The following SNRPN variants were observed in gnomAD, a reference collection of about 807,000 sequenced individuals.
SNRPN encodes the protein small nuclear ribonucleoprotein polypeptide N, also known as small nuclear ribonucleoprotein-associated protein N.
SNRPN carries 7 observed loss-of-function variants against 25.2 expected under a neutral mutation model. That is an observed-to-expected ratio of 0.28 (90% CI 0.16 to 0.52). SNRPN has a LOEUF of 0.52. SNRPN is among the 20% of genes least tolerant of loss of function. The pLI, the probability that SNRPN is intolerant of heterozygous loss-of-function variation, is 0.96. For synonymous variants in SNRPN, 124 were observed against 110.6 expected (o/e 1.12, Z -0.76); for missense variants, 196 against 322.5 (o/e 0.61, Z 3.00).
intron 4 of SNRPN, chr15:24,974,657 G>A: frequency 1.6e-6 from 1 of 641,058 alleles, no homozygotes; most frequent in Non-Finnish European, 2.8e-6. Flanking sequence ...GTCTTGCTCT[G>A]TCTCCCAGTC....
At chr15:24,898,681 G>A (rs1258362642) in intron 2 of SNRPN, among the ~76,000 whole-genome samples, 1 of 152,140 alleles carries the variant, frequency 6.6e-6, no homozygotes, top group Non-Finnish European at 1.5e-5. Flanking sequence ...TGAAAAATGT[G>A]TTATTACAAA....
chr15:24,905,817 T>C (rs920529723), intron 2 of SNRPN, among the ~76,000 whole-genome samples: 1 of 152,206 alleles, frequency 6.6e-6, no homozygotes, highest in Non-Finnish European at 1.5e-5. Flanking sequence ...AGGAAGGTAG[T>C]GACAGTCTAA....
chr15:24,858,356 C>T (rs1474927645), intron 1 of SNRPN, among the ~76,000 whole-genome samples: 1 of 152,108 alleles, frequency 6.6e-6, no homozygotes, highest in Non-Finnish European at 1.5e-5. Flanking sequence ...TAGGTCAGAT[C>T]TCTTTCACTG....
At chr15:24,946,074 ACTT>A (rs1566939603) in intron 3 of SNRPN, among the ~76,000 whole-genome samples, 1 of 152,150 alleles carries the variant, frequency 6.6e-6, no homozygotes, top group Non-Finnish European at 1.5e-5. Flanking sequence ...ATTTATAAAA[ACTT>A]CTTATGGAAT....
chr15:24,977,377 C>G (rs576294884), intron 7 of SNRPN, among the ~76,000 whole-genome samples: 1 of 151,982 alleles, frequency 6.6e-6, no homozygotes, highest in African/African-American at 2.4e-5. Context: ...CAGTGGCTTA[C>G]GCCTGTAATC....
At chr15:24,831,330 A>G (rs955505253) in intron 2 of SNRPN, among the ~76,000 whole-genome samples, 2 of 151,698 alleles carry the variant, frequency 1.3e-5, no homozygotes, top group Non-Finnish European at 2.9e-5. Context: ...CTTTTTTTAC[A>G]TTTACTCTTA....
intron 2 of SNRPN, among the ~76,000 whole-genome samples, chr15:24,918,468 G>A (rs1046552253): frequency 6.5e-5 from 8 of 123,680 alleles, no homozygotes; most frequent in South Asian, 2.6e-4. Flanking sequence ...TAATATATAT[G>A]TGTATATATA....
rs1004964684 is a variant in SNRPN, at chr15:24,977,142, T to C, written c.420+113T>C. ...CATACAATGTAAACAGCATATGGTT[T>C]AGGAGGAACCAAAACACAGATATAT... On this transcript the variant is annotated intron_variant, in intron 7 of 9. Coordinates refer to ENST00000390687, the MANE Select transcript of SNRPN (RefSeq NM_003097.6). 3 of 785,378 alleles carry C rather than the reference T, an allele frequency of 3.8e-6. No homozygotes were observed. The Admixed American group carries it at 1.1e-4, about 30-fold the overall frequency. 48.7% of individuals were successfully genotyped at this position (785,378 alleles called of 1,614,324 possible).
At position 24,929,507 on chromosome 15, in the gene SNRPN, T is replaced by C. The variant is rs921160136; in HGVS notation, c.-391+9383T>C. Among the ~76,000 whole-genome samples the C allele has an allele frequency of 6.6e-6, 1 of 152,136 alleles. No individual in the cohort carries two copies. Among genetic ancestry groups the C allele is most frequent in the African/African-American group, 2.4e-5 (1 of 41,430 alleles). ...CAGGTCTAGGAAGATGGGGAATACT[T>C]GCAGGCACCTGGGAAGCTCAGGGAA... On this transcript the variant is annotated intron_variant, in intron 3 of 11. Coordinates refer to the SNRPN transcript ENST00000400097. The surrounding 1 kb of genome is among the most constrained non-coding windows in gnomAD (Gnocchi z 5.3).
At chr15:24,875,747 T>C (rs373417966) in intron 1 of SNRPN, among the ~76,000 whole-genome samples, 8 of 152,232 alleles carry the variant, frequency 5.3e-5, no homozygotes, top group African/African-American at 1.9e-4. Flanking sequence ...AGCAAAACAC[T>C]GTCTCTACAG....
At chr15:24,926,389 T>C (rs1266693178) in intron 3 of SNRPN, among the ~76,000 whole-genome samples, 1 of 152,214 alleles carries the variant, frequency 6.6e-6, no homozygotes, top group Non-Finnish European at 1.5e-5. Flanking sequence ...CCCTTTTGCC[T>C]GGCACAGATG....
At chr15:24,864,725 G>A (rs1196132281) in intron 1 of SNRPN, among the ~76,000 whole-genome samples, 1 of 151,782 alleles carries the variant, frequency 6.6e-6, no homozygotes, top group Non-Finnish European at 1.5e-5. Context: ...TACAAATTTT[G>A]ATAAGATGCA....
intron 2 of SNRPN, among the ~76,000 whole-genome samples, chr15:24,889,654 AT>A (rs1272094914): frequency 6.6e-6 from 1 of 152,114 alleles, no homozygotes; most frequent in Non-Finnish European, 1.5e-5. Flanking sequence ...TTGTGGATCA[AT>A]CATGCAAAGA....
At chr15:24,909,648 C>T in intron 2 of SNRPN, 2 of 1,227,278 alleles carry the variant, frequency 1.6e-6, no homozygotes, top group Non-Finnish European at 2.4e-6. Context: ...CAAATGATAT[C>T]TCTGTTTGTT....
intron 2 of SNRPN, among the ~76,000 whole-genome samples, chr15:24,907,372 C>T (rs143932128): frequency 0.021 from 3,192 of 151,936 alleles, 122 homozygotes; most frequent in African/African-American, 0.072. Flanking sequence ...CCGAGGCAGG[C>T]GGATCACAAG....
chr15:24,899,086 G>C (rs1425635811), intron 2 of SNRPN, among the ~76,000 whole-genome samples: 1 of 152,166 alleles, frequency 6.6e-6, no homozygotes, highest in African/African-American at 2.4e-5. Flanking sequence ...AAGGCCACAA[G>C]GGGTTTTAGA....
In SNRPN at chr15:24,869,279, A is replaced by G. The variant is rs147529874; in HGVS notation, c.-579+12563A>G. Among the ~76,000 whole-genome samples the G allele has an allele frequency of 2.8e-4, 42 of 152,338 alleles. 1 individual carries two copies. The highest frequency in any genetic ancestry group is 1.0e-3 in the African/African-American group (42 of 41,594). On this transcript the variant is annotated intron_variant, in intron 1 of 11. Transcript: ENST00000400097. ...GTTTAGATATACACAGCAGTTGCCA[A>G]GATAATACAGATCATTTCCTTATGC...
rs2077231426 is a variant in SNRPN, at chr15:24,977,764, C to T, written c.421-14C>T. 2 of 1,581,630 alleles carry T rather than the reference C, an allele frequency of 1.3e-6. No homozygotes were observed. Among genetic ancestry groups the T allele is most frequent in the Non-Finnish European group, 1.7e-6 (2 of 1,166,894 alleles). ...TTTGCATCGCTTTGACTGTTTCCCG[C>T]CCTGCCTTCTCAGGTAATGACTCCA... On this transcript the variant is annotated splice_polypyrimidine_tract_variant and intron_variant, in intron 7 of 9. Coordinates refer to ENST00000390687, the MANE Select transcript of SNRPN (RefSeq NM_003097.6).
chr15:24,954,734 T>C (rs1285775723), upstream of SNRPN, among the ~76,000 whole-genome samples: 1 of 152,234 alleles, frequency 6.6e-6, no homozygotes, highest in East Asian at 1.9e-4. Context: ...TTTTACACAT[T>C]TTAAAAAACA....
Sources: allele counts gnomAD v4.1 joint callset (sites outside exome capture counted in the v4.1 genomes callset), GRCh38; gene constraint gnomAD v4.1.1; non-coding constraint Gnocchi (gnomAD v3.1); transcripts MANE v1.5; gene names NCBI Gene and HGNC (gene_info 2026-07-23, HGNC 2026-07-21).